MYO3A: variants seen among roughly 807,000 people sequenced by gnomAD.
MYO3A encodes the protein myosin-IIIa.
Under a neutral mutation model 192.7 loss-of-function variants are expected in MYO3A, and 180 were observed. The observed-to-expected ratio is 0.93, with a 90% CI of 0.83 to 1.06. The LOEUF is 1.06. MYO3A is among the 50% of genes least tolerant of loss of function. The pLI is 0.00. For missense variants in MYO3A, 1,896 were observed against 1,905.0 expected (o/e 1.00, Z 0.09); for synonymous variants, 628 against 645.3 (o/e 0.97, Z 0.41).
intron 4 of MYO3A, among the ~76,000 whole-genome samples, chr10:25,987,042 C>G (rs1839695976): frequency 6.6e-6 from 1 of 152,048 alleles, no homozygotes. Flanking sequence ...AAGAGAGAAC[C>G]TAGAAATAAA....
chr10:26,171,194 G>A (rs1257086431), intron 29 of MYO3A, among the ~76,000 whole-genome samples: 1 of 152,092 alleles, frequency 6.6e-6, no homozygotes, highest in Non-Finnish European at 1.5e-5. Context: ...GTTAGGGAAA[G>A]GGAAAAATAT....
In MYO3A at chr10:26,063,223, A is replaced by G. The variant is rs552742052; in HGVS notation, c.954-3752A>G. Among the ~76,000 whole-genome samples the G allele has an allele frequency of 2.4e-4, 36 of 152,330 alleles. 1 individual carries two copies. The highest frequency in any genetic ancestry group is 4.6e-4 in the Non-Finnish European group (31 of 68,018). On this transcript the variant is annotated intron_variant, in intron 10 of 34. Transcript: ENST00000642920. Reference sequence around the variant, plus strand: ...CCTGGCAGGAAAATGACACAGTCCAAAGAAGTGTGATTGGAGAGAATTTTT... The same window carrying G: ...CCTGGCAGGAAAATGACACAGTCCAGAGAAGTGTGATTGGAGAGAATTTTT...
intron 17 of MYO3A, among the ~76,000 whole-genome samples, chr10:26,106,092 C>A (rs1837781425): frequency 6.6e-6 from 1 of 152,030 alleles, no homozygotes; most frequent in Non-Finnish European, 1.5e-5. Flanking sequence ...TCCATATTTT[C>A]CTTAGCTATT....
intron 17 of MYO3A, among the ~76,000 whole-genome samples, chr10:26,110,387 C>T (rs1178762772): frequency 6.6e-6 from 1 of 152,176 alleles, no homozygotes; most frequent in African/African-American, 2.4e-5. Flanking sequence ...TGCATTTTCT[C>T]TGAGGGCTTT....
intron 10 of MYO3A, among the ~76,000 whole-genome samples, chr10:26,041,230 G>C (rs1426870860): frequency 2.0e-5 from 3 of 151,812 alleles, no homozygotes; most frequent in African/African-American, 7.3e-5. Flanking sequence ...TTTGGTTCCG[G>C]TTGGCATAGA....
At chr10:26,013,050 G>T (rs182934192) in intron 6 of MYO3A, among the ~76,000 whole-genome samples, 6 of 152,206 alleles carry the variant, frequency 3.9e-5, no homozygotes, top group African/African-American at 1.2e-4. Flanking sequence ...AATAAATGAT[G>T]CTGGCAAAAC....
rs1376332706 is a variant in MYO3A, at chr10:26,157,212, A to AT, written c.2794-92dup. 1.9e-5 allele frequency: 21 copies of AT among 1,115,814 alleles called. No individual in the cohort carries two copies. In the East Asian group the frequency reaches 3.2e-4, roughly 17 times the overall value. The allele number at this position is 1,115,814 out of a possible 1,614,324, so 69.1% of individuals were successfully genotyped here. A position where few individuals can be genotyped will look rare whatever the true frequency, so the allele number is the denominator to read the frequency against. On this transcript the variant is annotated intron_variant, in intron 25 of 34. Transcript: ENST00000642920. ...ACTAATGGGAGCATTTATAACATTC[A>AT]TTTTTTGAATGTTATTCTTGTAGTA...
chr10:26,139,086 T>C (rs1323875369), intron 20 of MYO3A, among the ~76,000 whole-genome samples: 2 of 152,158 alleles, frequency 1.3e-5, no homozygotes, highest in Admixed American at 1.3e-4. Context: ...ACAATAATAC[T>C]CCTAATAATA....
At chr10:26,173,539 A>T in intron 29 of MYO3A, 124 bp from the exon 30 acceptor site, 2 of 846,018 alleles carry the variant, frequency 2.4e-6, no homozygotes, top group South Asian at 1.8e-5. Flanking sequence ...GATACTTTTT[A>T]ATTTTGAGCT....
rs144008984 is a variant in MYO3A, at chr10:25,952,262, T to G, written c.152T>G (p.Ile51Ser). Residue 51 changes from isoleucine to serine, a missense_variant, in exon 3 of 35, where the codon ATT becomes AGT. By Grantham distance (142) the Ile-to-Ser change is moderately radical. Transcript: ENST00000642920. ...KKNGQKAAVK[I>S]LDPIHDIDEE... ...AATGGCCAAAAAGCAGCAGTCAAAA[T>G]TCTTGATCCAATTCACGTAAGTCAT... 13 of 1,612,520 alleles carry G rather than the reference T, an allele frequency of 8.1e-6. No individual in the cohort carries two copies. Among genetic ancestry groups the G allele is most frequent in the Non-Finnish European group, 1.1e-5 (13 of 1,179,082 alleles).
chr10:26,025,824 C>T (rs17666138), intron 9 of MYO3A, among the ~76,000 whole-genome samples: 24,751 of 152,152 alleles, frequency 0.16, 2,308 homozygotes, highest in Non-Finnish European at 0.21. Context: ...GGCATTAGTA[C>T]ATCTGCTGTA....
intron 10 of MYO3A, among the ~76,000 whole-genome samples, chr10:26,030,547 A>G (rs1234182284): frequency 6.6e-6 from 1 of 152,218 alleles, no homozygotes. Flanking sequence ...GCCACTGGCA[A>G]CACATTAAAC....
Position 25,952,243 on chromosome 10 carries a change from CA to C in MYO3A, c.138del (p.Ala47GlnfsTer23). On this transcript the variant is annotated frameshift_variant, in exon 3 of 35. Transcript: ENST00000642920. LOFTEE classifies it high-confidence loss of function. ...TAAAGTATTGAATAAGAAAAATGGC[CA>C]AAAAGCAGCAGTCAAAATTCTTGAT... The part of the protein sequence containing the change: ...VFKVLNKKNG[Q>X]KAAVKILDPI... 6.2e-7 allele frequency: 1 copy of C among 1,612,380 alleles called. No homozygotes were observed. Among genetic ancestry groups the C allele is most frequent in the Non-Finnish European group, 8.5e-7 (1 of 1,179,114 alleles).
intron 32 of MYO3A, among the ~76,000 whole-genome samples, chr10:26,193,850 G>C (rs57131420): frequency 6.6e-6 from 1 of 152,144 alleles, no homozygotes; most frequent in African/African-American, 2.4e-5. Flanking sequence ...TTAGCTGCCA[G>C]GCCATTCATT....
At chr10:26,128,292 A>G in intron 19 of MYO3A, 99 bp from the exon 20 acceptor site, 4 of 1,236,232 alleles carry the variant, frequency 3.2e-6, no homozygotes, top group South Asian at 2.5e-5. Flanking sequence ...TTCTTATAGT[A>G]GTTTCTTAGC....
chr10:26,208,268 A>G (rs538643473), intron 34 of MYO3A, among the ~76,000 whole-genome samples: 1 of 152,196 alleles, frequency 6.6e-6, no homozygotes, highest in Admixed American at 6.5e-5. Flanking sequence ...AATTATGGCA[A>G]GATGATCAAT....
chr10:26,203,095 A>G lies in MYO3A; in HGVS notation c.4718A>G (p.Lys1573Arg). 2 of 1,613,696 alleles carry G rather than the reference A, an allele frequency of 1.2e-6. No homozygotes were observed. Among genetic ancestry groups the G allele is most frequent in the South Asian group, 2.2e-5 (2 of 91,076 alleles). Residue 1573 changes from lysine (K) to arginine (R), a missense_variant, in exon 34 of 35, where the codon AAG (lysine) becomes AGG (arginine). Coordinates refer to ENST00000642920, the MANE Select transcript of MYO3A (RefSeq NM_017433.5). ...CAAGAACTCCAGAATCAATGTATTA[A>G]GGCTAATGAAAGGTAAAAAGCTAAA... is the stretch of plus-strand genomic sequence containing the variant. ...PQQELQNQCI[K>R]ANERCWAAES...
intron 10 of MYO3A, among the ~76,000 whole-genome samples, chr10:26,039,207 A>ATTTTTTTTTTTTTTTTT (rs34416918): frequency 1.9e-5 from 2 of 106,856 alleles, no homozygotes; most frequent in African/African-American, 3.9e-5. Flanking sequence ...GGCTCGGCTA[A>ATTTTTTTTTTTTTTTTT]TTTTTTTTTT....
intron 14 of MYO3A, among the ~76,000 whole-genome samples, chr10:26,081,139 C>CCCCCCCCT (rs1835918186): frequency 1.9e-5 from 2 of 106,220 alleles, no homozygotes; most frequent in African/African-American, 3.1e-5. Context: ...CCCTTCCCCC[C>CCCCCCCCT]CCCCCCGCCC....
Sources: gnomAD v4.1 joint callset for allele counts (sites outside exome capture counted in the v4.1 genomes callset) on GRCh38, gnomAD v4.1.1 for gene constraint, MANE v1.5 for transcripts, NCBI Gene and HGNC (gene_info 2026-07-23, HGNC 2026-07-21) for gene names.